VASN: variants seen among roughly 807,000 people sequenced by gnomAD.
The protein encoded by VASN is protein slit-like 2.
VASN carries 5 observed loss-of-function variants against 4.8 expected under a neutral mutation model. That is an observed-to-expected ratio of 1.03 (90% CI 0.54 to 2.17). The LOEUF is 2.17. VASN is among the 30% of genes most tolerant of loss of function. The pLI is 0.01. For missense variants in VASN, 927 were observed against 948.8 expected, an observed-to-expected ratio of 0.98 and a Z score of 0.30; for synonymous variants, 499 against 460.8, an observed-to-expected ratio of 1.08 and a Z score of -1.06.
chr16:4,382,430 C>T lies in VASN; in HGVS notation c.1553C>T (p.Ala518Val). 2 of 1,611,230 alleles carry T rather than the reference C, an allele frequency of 1.2e-6. No individual in the cohort carries two copies. The highest frequency in any genetic ancestry group is 8.5e-7 in the Non-Finnish European group (1 of 1,179,388). ...LVTLRLPASL[A>V]EYTVTQLRPN... is the part of the protein sequence containing the mutation. ...ACGCTGCGACTGCCTGCCTCGCTCG[C>T]TGAGTACACGGTCACCCAGCTGCGG... Residue 518 changes from alanine (A) to valine (V), a missense_variant, in exon 2 of 2, where the codon GCT (alanine) becomes GTT (valine). Transcript: ENST00000304735.
At position 4,380,826 on chromosome 16, in the gene VASN, C is replaced by T. The variant is rs756677606; in HGVS notation, c.-9-43C>T. ...TCCTGGCGTGTCTGCCTTCTAGGCC[C>T]CTGACTCACAGTCTTCTGTCTCTGC... On this transcript the variant is annotated intron_variant, in intron 1 of 1. Coordinates refer to ENST00000304735, the MANE Select transcript of VASN (RefSeq NM_138440.3). 2.2e-4 allele frequency: 309 copies of T among 1,431,198 alleles called. 1 individual carries two copies. Among genetic ancestry groups the T allele is most frequent in the Non-Finnish European group, 4.6e-5 (50 of 1,095,320 alleles). 88.7% of individuals were successfully genotyped at this position (1,431,198 alleles called of 1,614,324 possible).
In VASN at chr16:4,381,702, C is replaced by A; in HGVS notation, c.825C>A (p.Ser275Arg). The change falls in exon 2 of 2, where the codon AGC becomes AGA. Residue 275 changes from serine (S) to arginine (R), a missense_variant. Transcript: ENST00000304735. ...ALQELDVSNLSLQALPGDLSG... is the reference protein window; with the variant it reads ...ALQELDVSNLRLQALPGDLSG... ...AGGAGCTGGATGTGAGCAACCTAAG[C>A]CTGCAGGCCCTGCCTGGCGACCTCT... The A allele has an allele frequency of 6.2e-7, 1 of 1,607,746 alleles. No homozygotes were observed. The highest frequency in any genetic ancestry group is 8.5e-7 in the Non-Finnish European group (1 of 1,179,226).
chr16:4,382,752 G>A lies in VASN; in HGVS notation c.1875G>A (p.Glu625=), dbSNP rs555503563. ...CAGGGGCTGGGCCCCTGGAACTGGA[G>A]GGAGTGAAGGTCCCCTTGGAGCCAG... The part of the protein sequence containing the change: ...VGPGAGPLEL[E]GVKVPLEPGP... Residue 625 remains glutamate (E), a synonymous_variant, in exon 2 of 2, where the codon GAG becomes GAA. Coordinates refer to ENST00000304735, the MANE Select transcript of VASN (RefSeq NM_138440.3). The A allele has an allele frequency of 9.0e-6, 14 of 1,559,724 alleles. No individual in the cohort carries two copies. In the South Asian group the frequency reaches 1.3e-4, roughly 14 times the overall value.
Position 4,382,425 on chromosome 16 carries a change from G to C in VASN, c.1548G>C (p.Ser516=), listed in dbSNP as rs769712492. The change falls in exon 2 of 2, where the codon TCG becomes TCC. Residue 516 remains serine, a synonymous_variant. Transcript: ENST00000304735. ...TGGTGACGCTGCGACTGCCTGCCTC[G>C]CTCGCTGAGTACACGGTCACCCAGC... ...KRLVTLRLPA[S]LAEYTVTQLR... 1 of 1,611,242 alleles carries C rather than the reference G, an allele frequency of 6.2e-7. No homozygotes were observed. The highest frequency in any genetic ancestry group is 8.5e-7 in the Non-Finnish European group (1 of 1,179,392).
chr16:4,378,803 G>A (rs922426652), intron 1 of VASN, among the ~76,000 whole-genome samples: 14 of 152,000 alleles, frequency 9.2e-5, no homozygotes, highest in Non-Finnish European at 4.4e-5. Flanking sequence ...GGGGGCACAC[G>A]ACAGCAAGGG....
At chr16:4,374,308 G>A (rs1391770852) in intron 1 of VASN, among the ~76,000 whole-genome samples, 1 of 152,100 alleles carries the variant, frequency 6.6e-6, no homozygotes, top group Non-Finnish European at 1.5e-5. Flanking sequence ...TCCGCGCTGG[G>A]CCGCCGGCCT....
Position 4,382,335 on chromosome 16 carries a change from G to C in VASN, c.1458G>C (p.Gly486=), listed in dbSNP as rs758142283. 10 of 1,611,462 alleles carry C rather than the reference G, an allele frequency of 6.2e-6. No individual in the cohort carries two copies. In the Admixed American group the frequency reaches 1.7e-4, roughly 27 times the overall value. The change falls in exon 2 of 2, where the codon GGG becomes GGC. Residue 486 remains glycine, a synonymous_variant. Transcript: ENST00000304735. ...LRVGLQRYLQ[G]SSVQLRSLRL... ...TGGGGCTGCAGCGCTACCTCCAGGG[G>C]AGCTCCGTGCAGCTCAGGAGCCTCC...
rs778083157 is a variant in VASN, at chr16:4,381,831, C to G, written c.954C>G (p.Val318=). 1 of 1,601,368 alleles carries G rather than the reference C, an allele frequency of 6.2e-7. No individual in the cohort carries two copies. Among genetic ancestry groups the G allele is most frequent in the Admixed American group, 1.7e-5 (1 of 59,992 alleles). Residue 318 remains valine, a synonymous_variant, in exon 2 of 2, where the codon GTC becomes GTG. Coordinates refer to ENST00000304735, the MANE Select transcript of VASN (RefSeq NM_138440.3). ...WFGPWVRESH[V]TLASPEETRC... is the part of the protein sequence containing the mutation. ...GCCCCTGGGTGCGCGAGAGCCACGTCACACTGGCCAGCCCTGAGGAGACGC... is the reference window on the plus strand; with the variant it reads ...GCCCCTGGGTGCGCGAGAGCCACGTGACACTGGCCAGCCCTGAGGAGACGC...
chr16:4,373,737 CCAACA>C (rs2054615903), intron 1 of VASN, among the ~76,000 whole-genome samples: 1 of 152,102 alleles, frequency 6.6e-6, no homozygotes, highest in Non-Finnish European at 1.5e-5. Context: ...TAAGTGGGTC[CCAACA>C]CAACACTGGG....
chr16:4,372,109 G>T (rs966458214), intron 1 of VASN, 116 bp downstream of exon 1: 2 of 151,586 alleles, frequency 1.3e-5, no homozygotes, highest in Non-Finnish European at 2.9e-5. Flanking sequence ...GCGGGACCGC[G>T]GCCCCAGCCC....
At position 4,381,532 on chromosome 16, in the gene VASN, C is replaced by T. The variant is rs1043490243; in HGVS notation, c.655C>T (p.His219Tyr). The change falls in exon 2 of 2, where the codon CAC becomes TAC. Residue 219 changes from histidine (H) to tyrosine (Y), a missense_variant. Physicochemically the swap from His to Tyr is moderately conservative, Grantham distance 83 (BLOSUM62 2). Coordinates refer to ENST00000304735, the MANE Select transcript of VASN (RefSeq NM_138440.3). ...GCTCTTCAGCCGCTTGCGCAACCTCCACGACCTGGATGTGTCCGACAACCA... is the reference window on the plus strand; with the variant it reads ...GCTCTTCAGCCGCTTGCGCAACCTCTACGACCTGGATGTGTCCGACAACCA... Reference protein sequence around the residue: ...EGLFSRLRNLHDLDVSDNQLE... With the variant: ...EGLFSRLRNLYDLDVSDNQLE... 3.1e-6 allele frequency: 5 copies of T among 1,603,552 alleles called. No individual in the cohort carries two copies. The highest frequency in any genetic ancestry group is 4.3e-6 in the Non-Finnish European group (5 of 1,176,072).
At position 4,381,545 on chromosome 16, in the gene VASN, T is replaced by C; in HGVS notation, c.668T>C (p.Val223Ala). Reference protein sequence around the residue: ...SRLRNLHDLDVSDNQLERVPP... With the variant: ...SRLRNLHDLDASDNQLERVPP... ...TTGCGCAACCTCCACGACCTGGATG[T>C]GTCCGACAACCAGCTGGAGCGAGTG... is the stretch of plus-strand genomic sequence containing the variant. The change falls in exon 2 of 2, where the codon GTG becomes GCG. Residue 223 changes from valine to alanine, a missense_variant. Coordinates refer to ENST00000304735, the MANE Select transcript of VASN (RefSeq NM_138440.3). 6.2e-7 allele frequency: 1 copy of C among 1,605,154 alleles called. No individual in the cohort carries two copies. The highest frequency in any genetic ancestry group is 8.5e-7 in the Non-Finnish European group (1 of 1,176,680).
chr16:4,379,526 G>A (rs1020095024), intron 1 of VASN, among the ~76,000 whole-genome samples: 1 of 152,154 alleles, frequency 6.6e-6, no homozygotes, highest in Non-Finnish European at 1.5e-5. Flanking sequence ...GCTCGGACTT[G>A]CTGGCACCGC....
chr16:4,374,350 G>C (rs1343336390), intron 1 of VASN, among the ~76,000 whole-genome samples: 2 of 152,134 alleles, frequency 1.3e-5, no homozygotes, highest in Non-Finnish European at 2.9e-5. Flanking sequence ...GCCTCCCTGG[G>C]TGTGAGGAGG....
At chr16:4,374,059 G>A (rs1034451878) in intron 1 of VASN, among the ~76,000 whole-genome samples, 12 of 152,084 alleles carry the variant, frequency 7.9e-5, no homozygotes, top group African/African-American at 2.9e-4. Context: ...GAATTTGCGT[G>A]AGTTCTTGGA....
Position 4,382,925 on chromosome 16 carries a change from G to A in VASN, c.*26G>A, listed in dbSNP as rs754144001. 8.8e-6 allele frequency: 13 copies of A among 1,471,116 alleles called. No individual in the cohort carries two copies. Among genetic ancestry groups the A allele is most frequent in the African/African-American group, 1.4e-5 (1 of 69,952 alleles). The allele number at this position is 1,471,116 out of a possible 1,614,324, so 91.1% of individuals were successfully genotyped here. ...GCCAGAGAGAGACAGGGCAGCTGGG[G>A]CCGGGCTCTCAGCCAGTGAGATGGC... On this transcript the variant is annotated 3_prime_UTR_variant, in exon 2 of 2. Transcript: ENST00000304735.
At chr16:4,380,804 TG>T in intron 1 of VASN, 64 bp from the exon 2 acceptor site, 1 of 1,407,014 alleles carries the variant, frequency 7.1e-7, no homozygotes, top group Non-Finnish European at 9.3e-7. Context: ...TGGCTCTTCC[TG>T]GCGTGTCTGC....
rs2054939860 is a variant in VASN at position 4,381,089 on chromosome 16, G to A, written c.212G>A (p.Ser71Asn). 6.2e-7 allele frequency: 1 copy of A among 1,609,052 alleles called. No individual in the cohort carries two copies. The highest frequency in any genetic ancestry group is 1.1e-5 in the South Asian group (1 of 90,590). Residue 71 changes from serine to asparagine, a missense_variant, in exon 2 of 2, where the codon AGC becomes AAC. Transcript: ENST00000304735. ...GGCATCACCATGCTCGACGCAGGCA[G>A]CTTTGCCGGCCTGCCGGGCCTGCAG... ...ENGITMLDAGSFAGLPGLQLL... is the reference protein window; with the variant it reads ...ENGITMLDAGNFAGLPGLQLL...
At chr16:4,378,733 C>G (rs984783652) in intron 1 of VASN, among the ~76,000 whole-genome samples, 4 of 152,068 alleles carry the variant, frequency 2.6e-5, no homozygotes, top group African/African-American at 9.7e-5. Context: ...CAGACCTGAG[C>G]TAAGTGGGCC....
Sources: gnomAD v4.1 joint callset for allele counts (sites outside exome capture counted in the v4.1 genomes callset) on GRCh38, gnomAD v4.1.1 for gene constraint, MANE v1.5 for transcripts, NCBI Gene and HGNC (gene_info 2026-07-23, HGNC 2026-07-21) for gene names.